Variants in EVL observed in about 807,000 individuals in gnomAD.
The protein encoded by EVL is Enah/Vasp-like.
Under a neutral mutation model 59.6 loss-of-function variants are expected in EVL, and 21 were observed. The observed-to-expected ratio is 0.35, with a 90% confidence interval of 0.25 to 0.51. The LOEUF is 0.51. Among genes scored for constraint, EVL ranks in the 20% least tolerant of loss-of-function variants. The pLI is 0.97. For synonymous variants in EVL, 198 were observed against 203.5 expected (o/e 0.97, Z 0.23); for missense variants, 462 against 546.6 (o/e 0.85, Z 1.54).
chr14:100,098,590 T>C (rs1311616308), intron 3 of EVL, among the ~76,000 whole-genome samples: 3 of 152,210 alleles, frequency 2.0e-5, no homozygotes, highest in Non-Finnish European at 4.4e-5. Flanking sequence ...AGAAGCAGAA[T>C]TACATGTGGC....
chr14:100,107,649 AC>A (rs1198712654), intron 3 of EVL: 4 of 198,778 alleles, frequency 2.0e-5, no homozygotes, highest in African/African-American at 9.3e-5. Context: ...GGGTTGAGTA[AC>A]TGGATTTTGA....
At chr14:100,019,813 G>A (rs1015569463) in intron 1 of EVL, 10 of 959,390 alleles carry the variant, frequency 1.0e-5, no homozygotes, top group Admixed American at 1.0e-4. Flanking sequence ...TTCAGCTTGT[G>A]GTGGGGTTTA....
At chr14:100,062,971 G>C (rs894558640), upstream of EVL, among the ~76,000 whole-genome samples, 1 of 152,114 alleles carries the variant, frequency 6.6e-6, no homozygotes, top group African/African-American at 2.4e-5. Context: ...GATGGTGTGT[G>C]CCTATAGTCC....
intron 2 of EVL, among the ~76,000 whole-genome samples, chr14:100,087,748 A>G (rs2062477155): frequency 6.6e-6 from 1 of 151,796 alleles, no homozygotes; most frequent in African/African-American, 2.4e-5. Flanking sequence ...GAGGTCCAGA[A>G]GAAGGGAGAC....
At chr14:100,091,825 A>T (rs2062571283) in intron 2 of EVL, among the ~76,000 whole-genome samples, 1 of 152,086 alleles carries the variant, frequency 6.6e-6, no homozygotes, top group African/African-American at 2.4e-5. Context: ...GTCTTGTGGG[A>T]CTCAGCCCTC....
At chr14:99,983,102 T>C (rs1461306478) in intron 1 of EVL, among the ~76,000 whole-genome samples, 1 of 152,180 alleles carries the variant, frequency 6.6e-6, no homozygotes. Flanking sequence ...TCCATGAGGA[T>C]ATGGGACAGT....
intron 1 of EVL, among the ~76,000 whole-genome samples, chr14:100,026,428 A>G (rs546206384): frequency 2.4e-4 from 37 of 152,294 alleles, no homozygotes; most frequent in African/African-American, 7.5e-4. Flanking sequence ...CCCAGATACT[A>G]TGTGCCTGAA....
At chr14:100,132,885 G>A in intron 8 of EVL, 106 bp downstream of exon 8, 1 of 1,262,372 alleles carries the variant, frequency 7.9e-7, no homozygotes, top group Non-Finnish European at 1.1e-6. Context: ...CGTGGGATGG[G>A]CGCTTCATCA....
At chr14:100,140,193 C>G (rs927626257) in intron 11 of EVL, 1 of 152,108 alleles carries the variant, frequency 6.6e-6, no homozygotes, top group African/African-American at 2.4e-5. Context: ...AGGCATGATA[C>G]GCCTCTGTAC....
chr14:100,120,599 C>A (rs61681950), intron 3 of EVL, among the ~76,000 whole-genome samples: 1 of 152,090 alleles, frequency 6.6e-6, no homozygotes. Flanking sequence ...AAAAGGTGAC[C>A]CACATGGGTT....
chr14:99,980,222 A>G (rs1374542062), intron 1 of EVL, among the ~76,000 whole-genome samples: 1 of 152,136 alleles, frequency 6.6e-6, no homozygotes, highest in Non-Finnish European at 1.5e-5. Context: ...TGAGATGGAG[A>G]CTTAAATTAT....
intron 1 of EVL, among the ~76,000 whole-genome samples, chr14:100,043,605 C>CT (rs540453599): frequency 0.017 from 2,176 of 127,194 alleles, 42 homozygotes; most frequent in African/African-American, 0.046. Flanking sequence ...TTTCCTCTGC[C>CT]TTTTTTTTTT....
intron 1 of EVL, among the ~76,000 whole-genome samples, chr14:99,992,403 C>T (rs1394132043): frequency 6.6e-6 from 1 of 151,800 alleles, no homozygotes; most frequent in East Asian, 1.9e-4. Flanking sequence ...TGTAGGTTGT[C>T]TTTTCACTTT....
chr14:100,007,772 G>T (rs57102537), intron 1 of EVL, among the ~76,000 whole-genome samples: 12,116 of 152,104 alleles, frequency 0.08, 505 homozygotes, highest in Middle Eastern at 0.11. Flanking sequence ...TTCAGAGAGA[G>T]AGGAGAGAGA....
chr14:100,047,102 G>A (rs1198752408), intron 1 of EVL, among the ~76,000 whole-genome samples: 3 of 106,182 alleles, frequency 2.8e-5, no homozygotes, highest in African/African-American at 1.0e-4. Flanking sequence ...TTGAGACCTT[G>A]GGCAGATCTC....
intron 12 of EVL, 43 bp downstream of exon 12, chr14:100,141,289 C>T (rs1889149293): frequency 6.2e-7 from 1 of 1,602,046 alleles, no homozygotes; most frequent in Non-Finnish European, 8.5e-7. Flanking sequence ...CTGAGGGCAG[C>T]CAGCAGGCGG....
chr14:100,060,152 C>G (rs544487205), intron 1 of EVL, among the ~76,000 whole-genome samples: 1 of 151,102 alleles, frequency 6.6e-6, no homozygotes. Flanking sequence ...TGCCCAGTGC[C>G]GGGCGCGGTG....
rs1888301589 is a variant in EVL, at chr14:100,129,560, C to T, written c.718-3C>T. The stretch of plus-strand genomic sequence containing the variant: ...TCTAAAACGCGGCCTCCTTTTTCCT[C>T]AGCCAGAAGACGCATCTGGAGGCTC... On this transcript the variant is annotated splice_region_variant and splice_polypyrimidine_tract_variant and intron_variant, in intron 6 of 13. Transcript: ENST00000392920. 1 of 1,613,450 alleles carries T rather than the reference C, an allele frequency of 6.2e-7. No homozygotes were observed. The highest frequency in any genetic ancestry group is 8.5e-7 in the Non-Finnish European group (1 of 1,179,830).
intron 1 of EVL, among the ~76,000 whole-genome samples, chr14:99,984,709 T>C (rs922850792): frequency 6.6e-6 from 1 of 151,996 alleles, no homozygotes; most frequent in African/African-American, 2.4e-5. Context: ...CACCTCCCAG[T>C]TTCAAGCGAT....
Sources: gnomAD v4.1 joint callset for allele counts (sites outside exome capture counted in the v4.1 genomes callset) on GRCh38, gnomAD v4.1.1 for gene constraint, MANE v1.5 for transcripts, NCBI Gene and HGNC (gene_info 2026-07-23, HGNC 2026-07-21) for gene names.